The following LNX1 variants were observed in gnomAD, a reference collection of about 807,000 sequenced individuals.
LNX1 encodes the protein E3 ubiquitin-protein ligase LNX.
In LNX1, 54 loss-of-function variants were observed where a neutral mutation model predicts 68.4. The observed-to-expected ratio is 0.79, with a 90% CI of 0.63 to 0.99. The LOEUF (loss-of-function observed/expected upper bound fraction) is 0.99, where lower values mean the gene tolerates loss of function less well. LNX1 is among the 50% of genes least tolerant of loss of function. The pLI, the probability that LNX1 is intolerant of heterozygous loss-of-function variation, is 0.00. For synonymous variants in LNX1, 336 were observed against 350.0 expected, an observed-to-expected ratio of 0.96 and a Z score of 0.45; for missense variants, 906 against 926.4, an observed-to-expected ratio of 0.98 and a Z score of 0.29.
chr4:53,545,367 A>G (rs1435215), intron 2 of LNX1, among the ~76,000 whole-genome samples: 26,231 of 152,160 alleles, frequency 0.17, 2,509 homozygotes, highest in South Asian at 0.34. Context: ...GCCCTACTGA[A>G]TTATAAAGGT....
intron 2 of LNX1, among the ~76,000 whole-genome samples, chr4:53,611,401 T>G (rs547169001): frequency 3.2e-4 from 48 of 152,274 alleles, no homozygotes; most frequent in African/African-American, 1.1e-3. Context: ...TTCTACAAAT[T>G]GATTATGTGT....
intron 4 of LNX1, among the ~76,000 whole-genome samples, chr4:53,501,311 G>GGGGGGAGC (rs1553932778): frequency 1.8e-5 from 1 of 55,696 alleles, no homozygotes; most frequent in African/African-American, 6.2e-5. Context: ...GGGGTGGGGG[G>GGGGGGAGC]ACAGGATCTC....
chr4:53,491,022 A>G (rs1724642168), intron 6 of LNX1, among the ~76,000 whole-genome samples: 2 of 152,200 alleles, frequency 1.3e-5, no homozygotes, highest in African/African-American at 4.8e-5. Flanking sequence ...TTTATTCCAT[A>G]AATTAACTTT....
chr4:53,555,066 C>T (rs1729810418), intron 2 of LNX1, among the ~76,000 whole-genome samples: 1 of 152,070 alleles, frequency 6.6e-6, no homozygotes, highest in Non-Finnish European at 1.5e-5. Context: ...CAAGCTTCCC[C>T]CAGTGTCAGG....
In LNX1 at chr4:53,459,484, G is replaced by A. The variant is rs1721347127; in HGVS notation, c.*1423C>T. On this transcript the variant is annotated 3_prime_UTR_variant, in exon 11 of 11. Coordinates refer to ENST00000263925, the MANE Select transcript of LNX1 (RefSeq NM_001126328.3). ...TGGCCTTTTGTGTATATTAGTACCA[G>A]AAGTAGATACTATAAATCTTGTTAT... The A allele has an allele frequency of 1.2e-5, 20 of 1,612,664 alleles. No individual in the cohort carries two copies. Among genetic ancestry groups the A allele is most frequent in the Non-Finnish European group, 1.5e-5 (18 of 1,178,986 alleles).
upstream of LNX1, among the ~76,000 whole-genome samples, chr4:53,618,228 T>G (rs2668553): frequency 0.42 from 63,545 of 152,000 alleles, 13,292 homozygotes; most frequent in Admixed American, 0.45. Flanking sequence ...CAGCTTTCAC[T>G]GATATCTAGA....
chr4:53,522,758 ATAT>A (rs1293495426), intron 2 of LNX1, among the ~76,000 whole-genome samples: 2 of 152,182 alleles, frequency 1.3e-5, no homozygotes, highest in Non-Finnish European at 2.9e-5. Context: ...AATAAAGAAA[ATAT>A]TATCCAGCCT....
intron 1 of LNX1, among the ~76,000 whole-genome samples, chr4:53,632,569 G>A (rs750811443): frequency 2.1e-4 from 32 of 152,296 alleles, no homozygotes; most frequent in Admixed American, 3.9e-4. Context: ...GTTCCCTGTC[G>A]GATCAGGCTA....
In LNX1 at chr4:53,507,405, A is replaced by T. The variant is rs1223531226; in HGVS notation, c.687T>A (p.Ser229Arg). The T allele has an allele frequency of 6.2e-7, 1 of 1,614,108 alleles. No homozygotes were observed. Among genetic ancestry groups the T allele is most frequent in the Admixed American group, 1.7e-5 (1 of 60,008 alleles). Residue 229 changes from serine (S) to arginine (R), a missense_variant, in exon 4 of 11, where the codon AGT becomes AGA. Transcript: ENST00000263925. ...TCCCGCTCTTTGTCCTTCGAAGAACACTCAAAGCTCGATTTATTTTTTTAA... is the reference window on the plus strand; with the variant it reads ...TCCCGCTCTTTGTCCTTCGAAGAACTCTCAAAGCTCGATTTATTTTTTTAA... The part of the protein sequence containing the change: ...RSFKKINRAL[S>R]VLRRTKSGSA...
At chr4:53,561,225 ATTTCT>A (rs996415967) in intron 2 of LNX1, among the ~76,000 whole-genome samples, 3 of 151,914 alleles carry the variant, frequency 2.0e-5, no homozygotes, top group African/African-American at 7.3e-5. Context: ...AGTCCCCTGT[ATTTCT>A]TTTCTTTTCT....
chr4:53,643,381 C>G (rs1056538663), intron 1 of LNX1, among the ~76,000 whole-genome samples: 1 of 152,068 alleles, frequency 6.6e-6, no homozygotes, highest in Middle Eastern at 3.2e-3. Flanking sequence ...AACTCCCGGG[C>G]TCAAGTGATC....
At chr4:53,481,310 T>A (rs945322154) in intron 7 of LNX1, among the ~76,000 whole-genome samples, 1 of 152,118 alleles carries the variant, frequency 6.6e-6, no homozygotes, top group African/African-American at 2.4e-5. Context: ...AAACAAAAAC[T>A]AAAAGTAGCG....
At chr4:53,488,666 G>C (rs1037301415) in intron 6 of LNX1, among the ~76,000 whole-genome samples, 1 of 152,188 alleles carries the variant, frequency 6.6e-6, no homozygotes, top group Non-Finnish European at 1.5e-5. Context: ...ATCGATTCCT[G>C]TCTTTACCTA....
At chr4:53,601,834 G>T (rs1733029934) in intron 2 of LNX1, among the ~76,000 whole-genome samples, 1 of 152,092 alleles carries the variant, frequency 6.6e-6, no homozygotes, top group African/African-American at 2.4e-5. Context: ...GTCACTGCAG[G>T]TCACTCTGAA....
intron 1 of LNX1, among the ~76,000 whole-genome samples, chr4:53,584,664 C>T (rs553265667): frequency 1.2e-4 from 18 of 152,144 alleles, no homozygotes; most frequent in Non-Finnish European, 1.5e-4. Flanking sequence ...ACCCATATGA[C>T]GACCTCTATG....
At chr4:53,607,484 A>C (rs1475067994) in intron 2 of LNX1, among the ~76,000 whole-genome samples, 1 of 152,236 alleles carries the variant, frequency 6.6e-6, no homozygotes, top group Admixed American at 6.5e-5. Flanking sequence ...ATGGAAAAGC[A>C]TTCCATGTTC....
chr4:53,498,739 T>G lies in LNX1; in HGVS notation c.880A>C (p.Ser294Arg). 6.2e-7 allele frequency: 1 copy of G among 1,614,088 alleles called. No homozygotes were observed. Among genetic ancestry groups the G allele is most frequent in the Non-Finnish European group, 8.5e-7 (1 of 1,179,924 alleles). ...ATGATATGGACCAGTGGGGTTTCGC[T>G]ACCTCCCACCAGCCTAATAGAGAGG... The part of the protein sequence containing the change: ...ESLSIRLVGG[S>R]ETPLVHIIIQ... Residue 294 changes from serine to arginine, a missense_variant, in exon 5 of 11, where the codon AGC becomes CGC. Transcript: ENST00000263925.
At chr4:53,626,210 T>C (rs1182409015) in intron 1 of LNX1, among the ~76,000 whole-genome samples, 2 of 152,098 alleles carry the variant, frequency 1.3e-5, no homozygotes, top group African/African-American at 4.8e-5. Context: ...ATAGAAAATA[T>C]GTTCGTTTTC....
intron 8 of LNX1, among the ~76,000 whole-genome samples, chr4:53,478,039 A>G (rs1176009139): frequency 4.6e-5 from 7 of 152,218 alleles, no homozygotes; most frequent in Admixed American, 4.6e-4. Context: ...ATTTGATATC[A>G]TCTTCCTTTA....
Sources: gnomAD v4.1 joint callset for allele counts (sites outside exome capture counted in the v4.1 genomes callset) on GRCh38, gnomAD v4.1.1 for gene constraint, MANE v1.5 for transcripts, NCBI Gene and HGNC (gene_info 2026-07-23, HGNC 2026-07-21) for gene names.